Variants in CDH12 observed in about 807,000 individuals in gnomAD.
CDH12 encodes cadherin 12.
CDH12 carries 41 observed loss-of-function variants against 74.1 expected under a neutral mutation model. The ratio of observed to expected loss-of-function variants is 0.55; its 90% confidence interval spans 0.43 to 0.72. The LOEUF (loss-of-function observed/expected upper bound fraction) is 0.72, where lower values mean the gene tolerates loss of function less well. Among genes scored for constraint, CDH12 ranks in the 30% least tolerant of loss-of-function variants. CDH12 has a pLI of 0.00. For missense variants in CDH12, 945 were observed against 977.2 expected, an observed-to-expected ratio of 0.97 and a Z score of 0.44; for synonymous variants, 399 against 355.0, an observed-to-expected ratio of 1.12 and a Z score of -1.39.
At chr5:22,107,319 A>G (rs1744517443) in intron 4 of CDH12, among the ~76,000 whole-genome samples, 1 of 151,340 alleles carries the variant, frequency 6.6e-6, no homozygotes, top group South Asian at 2.1e-4. Context: ...TTTAGTAGAG[A>G]TAGAGTTTTA....
At chr5:22,850,546 C>A (rs1016290118) in intron 1 of CDH12, among the ~76,000 whole-genome samples, 4 of 151,898 alleles carry the variant, frequency 2.6e-5, no homozygotes, top group Non-Finnish European at 5.9e-5. Context: ...TATTTTCCAC[C>A]TATAATTTAA....
In CDH12 at chr5:22,018,949, G is replaced by A. The variant is rs1737786271; in HGVS notation, c.232-43564C>T. Reference sequence around the variant, plus strand: ...TAGCTAGGCATGATGGCATGTGCCTGTAATCTCAGCTACTTGGGTGGAATT... The same window carrying A: ...TAGCTAGGCATGATGGCATGTGCCTATAATCTCAGCTACTTGGGTGGAATT... On this transcript the variant is annotated intron_variant, in intron 5 of 14. Transcript: ENST00000382254. 2.0e-5 allele frequency among the ~76,000 whole-genome samples: 3 copies of A among 152,140 alleles called. No homozygotes were observed. The East Asian group carries it at 5.8e-4, about 29-fold the overall frequency.
At chr5:22,448,694 T>C (rs1371086873) in intron 2 of CDH12, among the ~76,000 whole-genome samples, 1 of 152,056 alleles carries the variant, frequency 6.6e-6, no homozygotes, top group Admixed American at 6.6e-5. Flanking sequence ...GAAAAAAGTT[T>C]TCAAATTAAG....
intron 1 of CDH12, among the ~76,000 whole-genome samples, chr5:22,801,674 T>G (rs1212471972): frequency 9.4e-6 from 1 of 105,872 alleles, no homozygotes; most frequent in African/African-American, 4.6e-5. Flanking sequence ...TATATATATA[T>G]ATATATATAT....
At chr5:21,817,229 A>G in intron 8 of CDH12, 97 bp from the exon 9 acceptor site, 1 of 761,034 alleles carries the variant, frequency 1.3e-6, no homozygotes, top group Non-Finnish European at 2.1e-6. Context: ...AAAGTAAATC[A>G]CATTTAGAAC....
intron 9 of CDH12, among the ~76,000 whole-genome samples, chr5:21,809,010 GTGTT>G (rs1429813010): frequency 6.6e-6 from 1 of 151,910 alleles, no homozygotes; most frequent in African/African-American, 2.4e-5. Flanking sequence ...TAGGCAAAAA[GTGTT>G]TGTAAACAAA....
chr5:22,152,644 A>G (rs1747673844), intron 4 of CDH12, among the ~76,000 whole-genome samples: 1 of 152,158 alleles, frequency 6.6e-6, no homozygotes, highest in South Asian at 2.1e-4. Context: ...GTTAATATCC[A>G]CTCTCAACAT....
intron 1 of CDH12, among the ~76,000 whole-genome samples, chr5:22,655,770 C>A (rs1233102178): frequency 1.3e-4 from 20 of 152,176 alleles, no homozygotes; most frequent in Admixed American, 1.3e-3. Flanking sequence ...CACCACAATT[C>A]CCTTCCTCCA....
chr5:22,531,412 C>T (rs1400734448), intron 1 of CDH12, among the ~76,000 whole-genome samples: 1 of 152,078 alleles, frequency 6.6e-6, no homozygotes, highest in Non-Finnish European at 1.5e-5. Context: ...ATCAACTACA[C>T]TACAAATTTT....
At chr5:22,072,300 T>C (rs1561080611) in intron 5 of CDH12, among the ~76,000 whole-genome samples, 1 of 152,148 alleles carries the variant, frequency 6.6e-6, no homozygotes, top group Non-Finnish European at 1.5e-5. Flanking sequence ...TAGTTGGCTT[T>C]ACACTCTGAC....
intron 4 of CDH12, among the ~76,000 whole-genome samples, chr5:22,170,069 C>A (rs1173772071): frequency 6.6e-6 from 1 of 151,770 alleles, no homozygotes; most frequent in Non-Finnish European, 1.5e-5. Context: ...AAATCTAACA[C>A]CTAGCAAATT....
At chr5:22,584,834 C>T (rs552418712) in intron 1 of CDH12, among the ~76,000 whole-genome samples, 1 of 152,178 alleles carries the variant, frequency 6.6e-6, no homozygotes, top group Admixed American at 6.5e-5. Context: ...CTGTGTTCAT[C>T]GTCATTTTTA....
chr5:22,341,746 T>C (rs139173734), intron 3 of CDH12, among the ~76,000 whole-genome samples: 191 of 152,244 alleles, frequency 1.3e-3, no homozygotes, highest in African/African-American at 3.9e-3. Flanking sequence ...ATAAGATCAT[T>C]TCACTGTTAG....
chr5:21,841,981 AC>A (rs1472122007), intron 8 of CDH12, among the ~76,000 whole-genome samples, 179 bp downstream of exon 8: 1 of 151,474 alleles, frequency 6.6e-6, no homozygotes, highest in Non-Finnish European at 1.5e-5. Flanking sequence ...CACATTCTGC[AC>A]ATGTACCCTA....
At chr5:22,132,133 G>C (rs763780432) in intron 4 of CDH12, among the ~76,000 whole-genome samples, 2 of 151,856 alleles carry the variant, frequency 1.3e-5, no homozygotes, top group East Asian at 1.9e-4. Flanking sequence ...CACAGATACA[G>C]GTATAGATAA....
chr5:22,493,413 A>C (rs1184252677), intron 2 of CDH12, among the ~76,000 whole-genome samples: 1 of 152,226 alleles, frequency 6.6e-6, no homozygotes, highest in Admixed American at 6.5e-5. Flanking sequence ...AAATATATTG[A>C]GAAAAATTTT....
chr5:22,237,327 A>T (rs940104813), intron 3 of CDH12, among the ~76,000 whole-genome samples: 6 of 152,138 alleles, frequency 3.9e-5, no homozygotes, highest in African/African-American at 1.4e-4. Context: ...TGCCCAAACT[A>T]TTCCTCATTT....
At chr5:22,592,310 C>A (rs759858294) in intron 1 of CDH12, among the ~76,000 whole-genome samples, 1 of 152,178 alleles carries the variant, frequency 6.6e-6, no homozygotes, top group Non-Finnish European at 1.5e-5. Flanking sequence ...TTCTCCTTCA[C>A]CAAAGTGCAA....
chr5:21,846,410 G>T (rs1202208357), intron 7 of CDH12, among the ~76,000 whole-genome samples: 1 of 102,430 alleles, frequency 9.8e-6, no homozygotes, highest in East Asian at 3.2e-4. Context: ...CTCAGCATGG[G>T]AAAAGGAACC....
Sources: gnomAD v4.1 joint callset for allele counts (sites outside exome capture counted in the v4.1 genomes callset) on GRCh38, gnomAD v4.1.1 for gene constraint, MANE v1.5 for transcripts, NCBI Gene and HGNC (gene_info 2026-07-23, HGNC 2026-07-21) for gene names.